The following SAP30BP variants were observed in gnomAD, a reference collection of about 807,000 sequenced individuals.
SAP30BP encodes the protein SAP30-binding protein.
A neutral mutation model predicts 46.3 loss-of-function variants in SAP30BP; 31 were observed. That is an observed-to-expected ratio of 0.67 (90% CI 0.50 to 0.90). The LOEUF is 0.90. SAP30BP is among the 40% of genes least tolerant of loss of function. SAP30BP has a pLI of 0.00. For synonymous variants in SAP30BP, 169 were observed against 144.2 expected (o/e 1.17, Z -1.23); for missense variants, 312 against 391.0 (o/e 0.80, Z 1.70).
In SAP30BP at chr17:75,700,576, T is replaced by A. The variant is rs905008503; in HGVS notation, c.396+705T>A. Among the ~76,000 whole-genome samples, 5 of 152,302 alleles carry A rather than the reference T, an allele frequency of 3.3e-5. No homozygotes were observed. The East Asian group carries it at 9.7e-4, about 29-fold the overall frequency. On this transcript the variant is annotated intron_variant, in intron 5 of 10. Transcript: ENST00000584667. ...TGCCTCTGGCTACACAGCAAGCCCGTGACACCGCCCTAACGGATGGATGAC... is the reference window on the plus strand; with the variant it reads ...TGCCTCTGGCTACACAGCAAGCCCGAGACACCGCCCTAACGGATGGATGAC...
chr17:75,698,964 T>C (rs908802787), intron 4 of SAP30BP, among the ~76,000 whole-genome samples: 1 of 152,156 alleles, frequency 6.6e-6, no homozygotes. Flanking sequence ...AGGCTGAGGC[T>C]GGAGGATGGC....
chr17:75,682,443 C>G (rs2060091348), intron 3 of SAP30BP, among the ~76,000 whole-genome samples: 1 of 152,072 alleles, frequency 6.6e-6, no homozygotes, highest in Non-Finnish European at 1.5e-5. Context: ...CCTCGGCCTC[C>G]CAAAGTGCTG....
At chr17:75,683,595 T>G (rs1483574827) in intron 3 of SAP30BP, 1 of 152,190 alleles carries the variant, frequency 6.6e-6, no homozygotes, top group Non-Finnish European at 1.5e-5. Flanking sequence ...TTCCCTCTAA[T>G]GAAGTTCTCT....
Position 75,668,605 on chromosome 17 carries a change from G to A in SAP30BP, c.196G>A (p.Asp66Asn), listed in dbSNP as rs1433224866. ...TGAAGATGGTTATGAAGAAGAAGAA[G>A]ATGAGAACAGTAGACAGTCGGTAGG... ...GDEDGYEEEE[D>N]ENSRQSEDDD... Residue 66 changes from aspartate (D) to asparagine (N), a missense_variant, in exon 2 of 11, where the codon GAT becomes AAT. Coordinates refer to ENST00000584667, the MANE Select transcript of SAP30BP (RefSeq NM_013260.8). The A allele has an allele frequency of 1.2e-6, 2 of 1,603,202 alleles. No individual in the cohort carries two copies. Among genetic ancestry groups the A allele is most frequent in the African/African-American group, 2.7e-5 (2 of 74,354 alleles).
chr17:75,678,220 A>C (rs1194860515), intron 3 of SAP30BP, among the ~76,000 whole-genome samples: 1 of 152,164 alleles, frequency 6.6e-6, no homozygotes, highest in Non-Finnish European at 1.5e-5. Flanking sequence ...CTAAGTAAAA[A>C]TAAAATGCAG....
chr17:75,676,491 T>C (rs1459405669), intron 3 of SAP30BP, among the ~76,000 whole-genome samples: 2 of 152,268 alleles, frequency 1.3e-5, no homozygotes, highest in East Asian at 3.8e-4. Flanking sequence ...AAAGCATGAA[T>C]TTATCATTTT....
At chr17:75,702,924 A>G in intron 6 of SAP30BP, 2 of 307,878 alleles carry the variant, frequency 6.5e-6, no homozygotes, top group East Asian at 1.2e-4. Context: ...TTCCAACTCT[A>G]AAAAGCTGAT....
Position 75,705,998 on chromosome 17 carries a change from C to T in SAP30BP, c.661-10C>T, listed in dbSNP as rs1599180116. On this transcript the variant is annotated splice_polypyrimidine_tract_variant and intron_variant, in intron 9 of 10. Transcript: ENST00000584667. Reference sequence around the variant, plus strand: ...TGCCTGGTCTTATTCTCTTCCCTCTCCCTCTCCAGATTGAGTTTGTGACGG... The same window carrying T: ...TGCCTGGTCTTATTCTCTTCCCTCTTCCTCTCCAGATTGAGTTTGTGACGG... 2 of 1,612,728 alleles carry T rather than the reference C, an allele frequency of 1.2e-6. No individual in the cohort carries two copies. The highest frequency in any genetic ancestry group is 1.3e-5 in the African/African-American group (1 of 75,046).
intron 3 of SAP30BP, among the ~76,000 whole-genome samples, chr17:75,685,901 T>A (rs984178885): frequency 5.3e-5 from 8 of 151,998 alleles, no homozygotes; most frequent in Non-Finnish European, 5.9e-5. Context: ...TCTGACCATC[T>A]TCTGTAACTT....
chr17:75,691,607 G>A (rs929691306), intron 3 of SAP30BP: 1 of 404,204 alleles, frequency 2.5e-6, no homozygotes, highest in African/African-American at 2.1e-5. Flanking sequence ...AGACATGGTA[G>A]ACTCCTTGTG....
At chr17:75,675,427 G>T (rs1244243013) in intron 3 of SAP30BP, among the ~76,000 whole-genome samples, 1 of 152,052 alleles carries the variant, frequency 6.6e-6, no homozygotes, top group Non-Finnish European at 1.5e-5. Flanking sequence ...GGGATTACAG[G>T]TGTGAGCCAC....
intron 3 of SAP30BP, among the ~76,000 whole-genome samples, chr17:75,677,824 G>A (rs960673028): frequency 1.4e-5 from 2 of 148,114 alleles, no homozygotes. Flanking sequence ...TTGTTCTAAA[G>A]GCTAGCAGTT....
chr17:75,698,399 C>G (rs1256733414), intron 4 of SAP30BP, among the ~76,000 whole-genome samples: 1 of 152,240 alleles, frequency 6.6e-6, no homozygotes, highest in East Asian at 1.9e-4. Context: ...CTTAGGGAAC[C>G]CTGAATTCTG....
chr17:75,668,386 G>A (rs1279962422), intron 1 of SAP30BP, 130 bp from the exon 2 acceptor site: 5 of 573,216 alleles, frequency 8.7e-6, no homozygotes, highest in Non-Finnish European at 1.5e-5. Flanking sequence ...CTTAACATGA[G>A]ATTTAGGTTC....
chr17:75,693,133 G>A (rs555396431), intron 3 of SAP30BP: 7 of 334,956 alleles, frequency 2.1e-5, no homozygotes, highest in South Asian at 7.1e-5. Context: ...CAGGGTATAC[G>A]TTGCCCAGTT....
At chr17:75,675,605 A>G (rs933584928) in intron 3 of SAP30BP, among the ~76,000 whole-genome samples, 2 of 152,128 alleles carry the variant, frequency 1.3e-5, no homozygotes, top group African/African-American at 4.8e-5. Context: ...GAAAATTTTA[A>G]ATTACTTATT....
chr17:75,684,651 G>T (rs2060131229), intron 3 of SAP30BP: 1 of 152,212 alleles, frequency 6.6e-6, no homozygotes, highest in Non-Finnish European at 1.5e-5. Flanking sequence ...CAACACTAGG[G>T]TTGCCTTGCA....
intron 1 of SAP30BP, 54 bp from the exon 2 acceptor site, chr17:75,668,462 T>G: frequency 8.6e-7 from 1 of 1,168,458 alleles, no homozygotes; most frequent in South Asian, 1.5e-5. Flanking sequence ...ACATTGTAAC[T>G]CTTGTTTTTT....
At chr17:75,703,565 G>T (rs901079983) in intron 7 of SAP30BP, 194 bp downstream of exon 7, 1 of 639,358 alleles carries the variant, frequency 1.6e-6, no homozygotes, top group African/African-American at 1.8e-5. Context: ...GGCCGGCCTG[G>T]TGCCTGGCCC....
Sources: gnomAD v4.1 joint callset for allele counts (sites outside exome capture counted in the v4.1 genomes callset) on GRCh38, gnomAD v4.1.1 for gene constraint, MANE v1.5 for transcripts, NCBI Gene and HGNC (gene_info 2026-07-23, HGNC 2026-07-21) for gene names.